The following DNAH17 variants were observed in gnomAD, a reference collection of about 807,000 sequenced individuals.
The protein encoded by DNAH17 is dynein axonemal heavy chain 17, also known as axonemal beta dynein heavy chain 17.
Under a neutral mutation model 485.6 loss-of-function variants are expected in DNAH17, and 376 were observed. The observed-to-expected ratio is 0.77, with a 90% CI of 0.71 to 0.84. The LOEUF (loss-of-function observed/expected upper bound fraction) is 0.84, where lower values mean the gene tolerates loss of function less well. DNAH17 is among the 40% of genes least tolerant of loss of function. The pLI, the probability that DNAH17 is intolerant of heterozygous loss-of-function variation, is 0.00. For missense variants in DNAH17, 6,370 were observed against 5,839.3 expected (o/e 1.09, Z -2.96); for synonymous variants, 3,031 against 2,405.9 (o/e 1.26, Z -7.60).
Position 78,445,693 on chromosome 17 carries a change from C to A in DNAH17, c.11212-13G>T. 2 of 1,589,446 alleles carry A rather than the reference C, an allele frequency of 1.3e-6. No homozygotes were observed. The highest frequency in any genetic ancestry group is 1.7e-6 in the Non-Finnish European group (2 of 1,168,206). ...TCATGGACAGGACCTGGGGGAACAT[C>A]GAGGTGTACACACTTAACGCAGCCA... is the stretch of plus-strand genomic sequence containing the variant. On this transcript the variant is annotated splice_polypyrimidine_tract_variant and intron_variant, in intron 69 of 80. Coordinates refer to ENST00000389840, the MANE Select transcript of DNAH17 (RefSeq NM_173628.4).
intron 14 of DNAH17, among the ~76,000 whole-genome samples, chr17:78,557,158 C>T (rs1034510714): frequency 6.6e-5 from 10 of 152,166 alleles, no homozygotes; most frequent in African/African-American, 1.7e-4. Flanking sequence ...GAGCAGGGAC[C>T]GCCACCTCCT....
chr17:78,560,723 C>T lies in DNAH17; in HGVS notation c.2031+17G>A, dbSNP rs1384505851. On this transcript the variant is annotated intron_variant, in intron 13 of 80. Transcript: ENST00000389840. The stretch of plus-strand genomic sequence containing the variant: ...TCCCAAGGAGCCTTTGACGCGGTCC[C>T]CACTCCTGGCACCCACCGCTTTGCT... 7 of 1,538,910 alleles carry T rather than the reference C, an allele frequency of 4.5e-6. No homozygotes were observed. Among genetic ancestry groups the T allele is most frequent in the Non-Finnish European group, 6.1e-6 (7 of 1,138,300 alleles).
At chr17:78,552,866 G>A in intron 14 of DNAH17, 61 bp from the exon 15 acceptor site, 1 of 1,201,694 alleles carries the variant, frequency 8.3e-7, no homozygotes, top group East Asian at 2.3e-5. Context: ...TTGTTCTCTG[G>A]TAAGGACCTT....
At chr17:78,428,263 C>T in intron 77 of DNAH17, 1 of 517,626 alleles carries the variant, frequency 1.9e-6, no homozygotes, top group Admixed American at 3.2e-5. Context: ...GGCTGGGATG[C>T]TCTTGGAGCC....
rs2089591564 is a variant in DNAH17 at position 78,486,032 on chromosome 17, A to G, written c.7203T>C (p.Pro2401=). 1.1e-5 allele frequency: 18 copies of G among 1,613,878 alleles called. No individual in the cohort carries two copies. Among genetic ancestry groups the G allele is most frequent in the Non-Finnish European group, 1.5e-5 (18 of 1,179,896 alleles). ...TCCAGGGCAGGAACTTTTTTGTGTC[A>G]GGATCAATGTAGTAGTCAAAAATCG... ...QGTIFDYYID[P]DTKKFLPWTD... is the part of the protein sequence containing the mutation. Residue 2401 remains proline, a synonymous_variant, in exon 46 of 81, where the codon CCT becomes CCC. Coordinates refer to ENST00000389840, the MANE Select transcript of DNAH17 (RefSeq NM_173628.4).
chr17:78,571,806 T>C, intron 3 of DNAH17, 24 bp from the exon 4 acceptor site: 1 of 1,550,918 alleles, frequency 6.4e-7, no homozygotes, highest in South Asian at 1.2e-5. Context: ...GGTTGGGGCA[T>C]TGCTCTCATG....
chr17:78,521,961 G>A lies in DNAH17; in HGVS notation c.3864+3048C>T, dbSNP rs933473099. 5.3e-5 allele frequency among the ~76,000 whole-genome samples: 8 copies of A among 152,156 alleles called. No individual in the cohort carries two copies. In the East Asian group the frequency reaches 5.8e-4, roughly 11 times the overall value. On this transcript the variant is annotated intron_variant, in intron 25 of 80. Transcript: ENST00000389840. The stretch of plus-strand genomic sequence containing the variant: ...AGATCGTGCCACTGTACTCCAGCCT[G>A]GGCGACAGAGTGAGACTCCGCCTCA...
chr17:78,442,622 A>G (rs1442224263), intron 71 of DNAH17, among the ~76,000 whole-genome samples: 5 of 151,990 alleles, frequency 3.3e-5, no homozygotes, highest in Admixed American at 2.6e-4. Flanking sequence ...ATGATGCAGA[A>G]GCATGCAGGC....
chr17:78,556,578 C>T (rs80130926), intron 14 of DNAH17, among the ~76,000 whole-genome samples: 2,203 of 152,242 alleles, frequency 0.014, 57 homozygotes, highest in African/African-American at 0.05. Context: ...TTGTATGGTA[C>T]AAATGGTCGC....
At chr17:78,487,690 A>G (rs962207772) in intron 44 of DNAH17, among the ~76,000 whole-genome samples, 11 of 152,028 alleles carry the variant, frequency 7.2e-5, no homozygotes, top group Admixed American at 5.9e-4. Context: ...ACACCTGGCT[A>G]ATTTTCATAT....
chr17:78,561,694 C>T (rs1190100313), intron 12 of DNAH17, 21 bp downstream of exon 12: 7 of 1,582,424 alleles, frequency 4.4e-6, no homozygotes, highest in Non-Finnish European at 6.0e-6. Context: ...GTGCCTGCCC[C>T]TGCCCAGGGC....
chr17:78,543,586 G>A (rs113322542), intron 17 of DNAH17, among the ~76,000 whole-genome samples: 11,504 of 152,012 alleles, frequency 0.076, 595 homozygotes, highest in South Asian at 0.2. Flanking sequence ...CACCGCGCCC[G>A]GCCAATTTTT....
intron 13 of DNAH17, 29 bp downstream of exon 13, chr17:78,560,711 T>TA: frequency 1.3e-6 from 2 of 1,526,002 alleles, no homozygotes; most frequent in Non-Finnish European, 1.8e-6. Flanking sequence ...CAAGGAGCCT[T>TA]TGACGCGGTC....
chr17:78,559,921 A>G (rs932495791), intron 13 of DNAH17, among the ~76,000 whole-genome samples: 1 of 151,324 alleles, frequency 6.6e-6, no homozygotes, highest in Non-Finnish European at 1.5e-5. Context: ...TGTTCCCTCC[A>G]TCTCTGCTCA....
intron 55 of DNAH17, 133 bp downstream of exon 55, chr17:78,468,484 A>T: frequency 8.1e-7 from 1 of 1,240,914 alleles, no homozygotes; most frequent in Non-Finnish European, 1.1e-6. Context: ...CCCACCCCTC[A>T]CACTCTCCTA....
At chr17:78,488,078 C>T (rs953910085) in intron 44 of DNAH17, among the ~76,000 whole-genome samples, 1 of 152,172 alleles carries the variant, frequency 6.6e-6, no homozygotes, top group Admixed American at 6.5e-5. Context: ...GAGGCTGCTG[C>T]TTTCTGCCTT....
chr17:78,552,892 A>G (rs2091934861), intron 14 of DNAH17, 87 bp from the exon 15 acceptor site: 2 of 882,874 alleles, frequency 2.3e-6, no homozygotes, highest in Non-Finnish European at 3.8e-6. Flanking sequence ...CCTCAACACC[A>G]ACTAATACGG....
intron 71 of DNAH17, among the ~76,000 whole-genome samples, 192 bp downstream of exon 71, chr17:78,444,410 CCT>C (rs2087194194): frequency 6.6e-6 from 1 of 152,186 alleles, no homozygotes; most frequent in Non-Finnish European, 1.5e-5. Context: ...TGGAATCCTG[CCT>C]CTGTCCTCGA....
intron 75 of DNAH17, 58 bp from the exon 76 acceptor site, chr17:78,429,358 A>G: frequency 6.4e-7 from 1 of 1,564,492 alleles, no homozygotes; most frequent in Non-Finnish European, 8.7e-7. Context: ...CTCTGCCATG[A>G]GAGGGTCAGG....
Sources: gnomAD v4.1 joint callset for allele counts (sites outside exome capture counted in the v4.1 genomes callset) on GRCh38, gnomAD v4.1.1 for gene constraint, MANE v1.5 for transcripts, NCBI Gene and HGNC (gene_info 2026-07-23, HGNC 2026-07-21) for gene names.